The following PKHD1L1 variants were observed in gnomAD, a reference collection of about 807,000 sequenced individuals.
The protein encoded by PKHD1L1 is fibrocystin-L.
In PKHD1L1, 434 loss-of-function variants were observed where a neutral mutation model predicts 462.9. The observed-to-expected ratio is 0.94, with a 90% CI of 0.87 to 1.02. The LOEUF is 1.02. Ranked by LOEUF, PKHD1L1 falls within the 50% of genes least tolerant of loss-of-function variation. The probability of loss-of-function intolerance (pLI) is 0.00; values close to 1 mark genes in which losing one functional copy is unlikely to be tolerated. For missense variants in PKHD1L1, 5,202 were observed against 5,096.1 expected (o/e 1.02, Z -0.63); for synonymous variants, 1,781 against 1,750.0 (o/e 1.02, Z -0.44).
intron 10 of PKHD1L1, among the ~76,000 whole-genome samples, chr8:109,394,974 C>G (rs1812897498): frequency 6.6e-6 from 1 of 152,216 alleles, no homozygotes. Context: ...GCTAAATCAT[C>G]TGACAACACA....
At chr8:109,472,189 T>C (rs1290105829) in intron 50 of PKHD1L1, among the ~76,000 whole-genome samples, 1 of 152,132 alleles carries the variant, frequency 6.6e-6, no homozygotes, top group Admixed American at 6.6e-5. Context: ...GTTTTTACTG[T>C]ATGTTTTTAC....
rs2131069072 is a variant in PKHD1L1 at position 109,533,325 on chromosome 8, T to G, written c.*3235T>G. Among the ~76,000 whole-genome samples the G allele has an allele frequency of 6.6e-6, 1 of 152,376 alleles. No individual in the cohort carries two copies. Among genetic ancestry groups the G allele is most frequent in the South Asian group, 2.1e-4 (1 of 4,834 alleles). ...ATCATATATATGACATGTAACACAGTGCCTAACAGGCGGTAAAATGATAGC... is the reference window on the plus strand; with the variant it reads ...ATCATATATATGACATGTAACACAGGGCCTAACAGGCGGTAAAATGATAGC... On this transcript the variant is annotated 3_prime_UTR_variant, in exon 78 of 78. Transcript: ENST00000378402.
intron 2 of PKHD1L1, among the ~76,000 whole-genome samples, chr8:109,380,748 T>A (rs533327793): frequency 1.3e-5 from 2 of 152,342 alleles, no homozygotes; most frequent in Admixed American, 1.3e-4. Flanking sequence ...CCTCACATTT[T>A]GCTCTCTCTC....
intron 69 of PKHD1L1, 78 bp from the exon 70 acceptor site, chr8:109,508,016 TAAC>T: frequency 6.7e-7 from 1 of 1,486,672 alleles, no homozygotes; most frequent in Non-Finnish European, 9.1e-7. Flanking sequence ...TAAACTAGCA[TAAC>T]AAGAAATAGA....
At chr8:109,505,435 A>T (rs1463875287) in intron 68 of PKHD1L1, among the ~76,000 whole-genome samples, 3 of 152,172 alleles carry the variant, frequency 2.0e-5, no homozygotes, top group African/African-American at 7.2e-5. Context: ...AGAAGCGATC[A>T]TTTAGATTCT....
chr8:109,398,080 T>C (rs1296352587), intron 11 of PKHD1L1, among the ~76,000 whole-genome samples: 2 of 152,188 alleles, frequency 1.3e-5, no homozygotes, highest in African/African-American at 2.4e-5. Flanking sequence ...TCTAGGGTCA[T>C]CTACCTTTGC....
chr8:109,375,875 G>C (rs1586379837), intron 2 of PKHD1L1, among the ~76,000 whole-genome samples: 1 of 152,176 alleles, frequency 6.6e-6, no homozygotes, highest in South Asian at 2.1e-4. Context: ...TTGTCTCAGA[G>C]GAGTACCCAG....
intron 28 of PKHD1L1, among the ~76,000 whole-genome samples, chr8:109,434,531 T>A (rs1467834597): frequency 6.6e-6 from 1 of 152,078 alleles, no homozygotes; most frequent in Non-Finnish European, 1.5e-5. Context: ...TACCGTGGCA[T>A]GATCTCAGCT....
intron 12 of PKHD1L1, 22 bp from the exon 13 acceptor site, chr8:109,400,054 T>A (rs780429114): frequency 1.9e-6 from 3 of 1,583,332 alleles, no homozygotes; most frequent in Non-Finnish European, 2.6e-6. Flanking sequence ...ATGAAAGTCT[T>A]ATTTTATTTC....
At chr8:109,365,132 C>T (rs1026169739) in intron 2 of PKHD1L1, among the ~76,000 whole-genome samples, 1 of 152,146 alleles carries the variant, frequency 6.6e-6, no homozygotes, top group Non-Finnish European at 1.5e-5. Context: ...ACATGGTTCC[C>T]CTTCTCCTTG....
intron 2 of PKHD1L1, among the ~76,000 whole-genome samples, chr8:109,371,724 C>G (rs1307802421): frequency 6.7e-6 from 1 of 148,196 alleles, no homozygotes; most frequent in Non-Finnish European, 1.5e-5. Context: ...CTACATATGG[C>G]TAGCCAGTTT....
intron 2 of PKHD1L1, among the ~76,000 whole-genome samples, chr8:109,380,364 C>T (rs1161779560): frequency 2.0e-5 from 3 of 152,122 alleles, no homozygotes; most frequent in Non-Finnish European, 4.4e-5. Flanking sequence ...TTATATTCAG[C>T]TTTACATCCT....
intron 30 of PKHD1L1, 90 bp downstream of exon 30, chr8:109,436,549 G>A: frequency 6.5e-7 from 1 of 1,542,848 alleles, no homozygotes. Flanking sequence ...GGTGAAACAA[G>A]TGGTGTATTT....
intron 5 of PKHD1L1, 148 bp downstream of exon 5, chr8:109,384,275 A>C: frequency 4.7e-5 from 31 of 664,784 alleles, no homozygotes; most frequent in Non-Finnish European, 7.2e-5. Context: ...GCGGTGGCTC[A>C]TGCCTGCAAT....
rs370961448 is a variant in PKHD1L1, at chr8:109,412,290, C to G, written c.2111C>G (p.Thr704Arg). The G allele has an allele frequency of 2.3e-5, 37 of 1,613,634 alleles. No homozygotes were observed. Among genetic ancestry groups the G allele is most frequent in the Non-Finnish European group, 3.0e-5 (35 of 1,179,756 alleles). The stretch of plus-strand genomic sequence containing the variant: ...GAACATATTAACAGAGGGCAGAAGA[C>G]AGCTGAAACCGATGCTTACTGTGGT... ...NLEHINRGQK[T>R]AETDAYCGRY... The change falls in exon 20 of 78, where the codon ACA becomes AGA. Residue 704 changes from threonine to arginine, a missense_variant. Transcript: ENST00000378402.
chr8:109,374,101 G>T (rs903872528), intron 2 of PKHD1L1, among the ~76,000 whole-genome samples: 1 of 152,024 alleles, frequency 6.6e-6, no homozygotes, highest in Non-Finnish European at 1.5e-5. Flanking sequence ...TTGACAGTGG[G>T]GTGTTAGACT....
intron 27 of PKHD1L1, among the ~76,000 whole-genome samples, chr8:109,432,094 T>G (rs947630018): frequency 2.0e-5 from 3 of 152,206 alleles, no homozygotes; most frequent in African/African-American, 7.2e-5. Flanking sequence ...GACATTCAGA[T>G]TATTTCTTCT....
Position 109,435,325 on chromosome 8 carries a change from A to T in PKHD1L1, c.3476A>T (p.His1159Leu). Reference sequence around the variant, plus strand: ...TTTGTTTATCAGAGTCAGATCTCACATATCTGGCCTGATTCTGGAAGCATA... The same window carrying T: ...TTTGTTTATCAGAGTCAGATCTCACTTATCTGGCCTGATTCTGGAAGCATA... ...FYFVYQSQISHIWPDSGSIAG... is the reference protein window; with the variant it reads ...FYFVYQSQISLIWPDSGSIAG... The change falls in exon 29 of 78, where the codon CAT (histidine) becomes CTT (leucine). Residue 1159 changes from histidine (H) to leucine (L), a missense_variant. This residue lies in a region of PKHD1L1 where 4,497 missense variants were observed against 4,336.8 expected (regional missense o/e 1.04). Transcript: ENST00000378402. 1 of 1,612,830 alleles carries T rather than the reference A, an allele frequency of 6.2e-7. No individual in the cohort carries two copies. The highest frequency in any genetic ancestry group is 2.2e-5 in the East Asian group (1 of 44,860).
intron 50 of PKHD1L1, chr8:109,470,818 A>C (rs1817678741): frequency 6.6e-7 from 1 of 1,513,454 alleles, no homozygotes; most frequent in Middle Eastern, 2.4e-4. Flanking sequence ...ACAAGTTGAA[A>C]AGGAAAACAC....
Sources: gnomAD v4.1 joint callset for allele counts (sites outside exome capture counted in the v4.1 genomes callset) on GRCh38, gnomAD v4.1.1 for gene constraint, gnomAD v4.1.1 regional missense constraint, MANE v1.5 for transcripts, NCBI Gene and HGNC (gene_info 2026-07-23, HGNC 2026-07-21) for gene names.